Variants in FFAR1 observed in about 807,000 individuals in gnomAD.
FFAR1 encodes free fatty acid receptor 1, also known as G-protein coupled receptor 40.
For missense variants in FFAR1, 424 were observed against 396.2 expected, an observed-to-expected ratio of 1.07 and a Z score of -0.60; for synonymous variants, 216 against 201.5, an observed-to-expected ratio of 1.07 and a Z score of -0.61.
At chr19:35,352,517 G>T in exon 1 of FFAR1, 7 of 1,501,154 alleles carry the variant, frequency 4.7e-6, no homozygotes, top group East Asian at 4.9e-5. Context: ...AGGCCCCTGC[G>T]GGGGGCTGCT....
upstream of FFAR1, among the ~76,000 whole-genome samples, chr19:35,348,385 G>A (rs1016009539): frequency 1.3e-5 from 2 of 152,208 alleles, no homozygotes; most frequent in African/African-American, 4.8e-5. Flanking sequence ...GATCACCTGA[G>A]GTCAGGAGTT....
At chr19:35,351,066 TG>T (rs1280449830), upstream of FFAR1, among the ~76,000 whole-genome samples, 2 of 151,122 alleles carry the variant, frequency 1.3e-5, no homozygotes, top group East Asian at 1.9e-4. Flanking sequence ...CCAATGTGGG[TG>T]GGGGGTGGGG....
At chr19:35,352,096 C>G (rs1309657804) in exon 1 of FFAR1, 1 of 1,612,566 alleles carries the variant, frequency 6.2e-7, no homozygotes, top group East Asian at 2.2e-5. Flanking sequence ...GCCGGCCCGG[C>G]CCGCTTCAGC....
exon 1 of FFAR1, chr19:35,352,378 C>G: frequency 6.4e-7 from 1 of 1,553,646 alleles, no homozygotes; most frequent in Non-Finnish European, 8.7e-7. Context: ...CCGCTGGTGA[C>G]CGGTTACTTG....
chr19:35,352,855 T>G, exon 1 of FFAR1: 1 of 268,404 alleles, frequency 3.7e-6, no homozygotes, highest in Non-Finnish European at 7.2e-6. Flanking sequence ...TACTCTGAAA[T>G]CAGTTCCCAG....
chr19:35,352,167 C>G (rs770861016), exon 1 of FFAR1: 1 of 1,608,962 alleles, frequency 6.2e-7, no homozygotes, highest in South Asian at 1.1e-5. Context: ...CGTGGGCTGC[C>G]TCCGGGCACT....
At chr19:35,353,694 C>T (rs1407884561) in exon 1 of FFAR1, 1 of 152,176 alleles carries the variant, frequency 6.6e-6, no homozygotes, top group African/African-American at 2.4e-5. Context: ...GCAGTAACCG[C>T]GGCTGCAGAT....
At chr19:35,351,732 C>G (rs768508851) in exon 1 of FFAR1, 4 of 1,564,298 alleles carry the variant, frequency 2.6e-6, no homozygotes, top group Non-Finnish European at 3.5e-6. Flanking sequence ...CTCTCTGCCC[C>G]TGAAGGCGGT....
Position 35,352,297 on chromosome 19 carries a change from T to A in FFAR1, c.746T>A (p.Leu249Gln), listed in dbSNP as rs1461118312. The change falls in exon 1 of 1, where the codon CTG becomes CAG. Residue 249 changes from leucine to glutamine, a missense_variant. Physicochemically the swap from Leu to Gln is moderately radical, Grantham distance 113 (BLOSUM62 -2). Coordinates refer to ENST00000246553, the Ensembl canonical transcript of FFAR1. ...AACGCCTCCAACGTGGCCAGCTTCC[T>A]GTACCCCAATCTAGGAGGCTCCTGG... is the stretch of plus-strand genomic sequence containing the variant. The A allele has an allele frequency of 1.3e-6, 2 of 1,552,342 alleles. No homozygotes were observed. Among genetic ancestry groups the A allele is most frequent in the Admixed American group, 3.9e-5 (2 of 51,098 alleles).
upstream of FFAR1, among the ~76,000 whole-genome samples, chr19:35,348,412 A>C (rs2066930116): frequency 6.6e-6 from 1 of 152,230 alleles, no homozygotes; most frequent in African/African-American, 2.4e-5. Flanking sequence ...CAGCCTAGCC[A>C]ACATGGTAAA....
At chr19:35,350,765 G>A (rs2066940884), upstream of FFAR1, among the ~76,000 whole-genome samples, 1 of 152,082 alleles carries the variant, frequency 6.6e-6, no homozygotes, top group Non-Finnish European at 1.5e-5. Flanking sequence ...CCGGCTCACT[G>A]CCCATCCCGG....
exon 1 of FFAR1, chr19:35,351,631 T>TCCGAGGCGCGAC: frequency 6.5e-7 from 1 of 1,544,512 alleles, no homozygotes; most frequent in Non-Finnish European, 8.7e-7. Context: ...GTCCTGGCCA[T>TCCGAGGCGCGAC]CCGAGGCGCG....
exon 1 of FFAR1, chr19:35,352,141 T>C: frequency 6.2e-7 from 1 of 1,611,124 alleles, no homozygotes; most frequent in South Asian, 1.1e-5. Flanking sequence ...CCCTTGGCCA[T>C]CACAGCCTTC....
At chr19:35,353,604 A>G (rs2066954224) in exon 1 of FFAR1, 1 of 152,262 alleles carries the variant, frequency 6.6e-6, no homozygotes, top group Non-Finnish European at 1.5e-5. Context: ...AAGAGAAAAT[A>G]CCTTCACAGC....
chr19:35,349,985 G>C (rs1390856803), upstream of FFAR1, among the ~76,000 whole-genome samples: 1 of 152,166 alleles, frequency 6.6e-6, no homozygotes, highest in East Asian at 1.9e-4. Flanking sequence ...TGAAAGGCTG[G>C]GAGGACTTCC....
exon 1 of FFAR1, chr19:35,352,421 G>A (rs755476796): frequency 8.4e-6 from 13 of 1,554,740 alleles, no homozygotes; most frequent in South Asian, 5.9e-5. Context: ...CAGTGTGTGC[G>A]GCAAGAACGC....
At chr19:35,348,783 AC>A (rs1194484727), upstream of FFAR1, among the ~76,000 whole-genome samples, 1 of 152,146 alleles carries the variant, frequency 6.6e-6, no homozygotes, top group African/African-American at 2.4e-5. Flanking sequence ...CGTAGGACCA[AC>A]CTTGGGGATC....
chr19:35,350,243 A>G (rs1599700547), upstream of FFAR1, among the ~76,000 whole-genome samples: 3 of 152,266 alleles, frequency 2.0e-5, no homozygotes, highest in East Asian at 5.8e-4. Context: ...AGCCACCACC[A>G]TGGGGCTAGT....
chr19:35,352,019 C>T, exon 1 of FFAR1: 1 of 1,614,102 alleles, frequency 6.2e-7, no homozygotes, highest in Non-Finnish European at 8.5e-7. Context: ...ACAGCAACAC[C>T]TCCCTGGGCA....
Sources: gnomAD v4.1 joint callset for allele counts (sites outside exome capture counted in the v4.1 genomes callset) on GRCh38, gnomAD v4.1.1 for gene constraint, MANE v1.5 for transcripts, NCBI Gene and HGNC (gene_info 2026-07-23, HGNC 2026-07-21) for gene names.